The following NMI variants were observed in gnomAD, a reference collection of about 807,000 sequenced individuals.
The protein encoded by NMI is N-myc-interactor.
Under a neutral mutation model 34.3 loss-of-function variants are expected in NMI, and 39 were observed. The ratio of observed to expected loss-of-function variants is 1.14; its 90% CI spans 0.88 to 1.49. The LOEUF (loss-of-function observed/expected upper bound fraction) is 1.49, where lower values mean the gene tolerates loss of function less well. Ranked by LOEUF, NMI falls within the 40% of genes most tolerant of loss-of-function variation. NMI has a pLI of 0.00. For missense variants in NMI, 339 were observed against 358.1 expected, an observed-to-expected ratio of 0.95 and a Z score of 0.43; for synonymous variants, 113 against 120.3, an observed-to-expected ratio of 0.94 and a Z score of 0.40.
At chr2:151,274,321 C>A (rs555741733) in intron 6 of NMI, among the ~76,000 whole-genome samples, 1 of 114,036 alleles carries the variant, frequency 8.8e-6, no homozygotes, top group African/African-American at 3.5e-5. Context: ...CCAGCCCGGG[C>A]GACAGAGCAA....
At chr2:151,286,907 T>A (rs1220901501) in intron 1 of NMI, among the ~76,000 whole-genome samples, 2 of 152,234 alleles carry the variant, frequency 1.3e-5, no homozygotes, top group African/African-American at 4.8e-5. Flanking sequence ...TTTTCCCCTG[T>A]GCACATTAAT....
chr2:151,280,438 T>C (rs1683370328), intron 3 of NMI, among the ~76,000 whole-genome samples: 1 of 152,202 alleles, frequency 6.6e-6, no homozygotes, highest in Non-Finnish European at 1.5e-5. Context: ...CAGTGGAACT[T>C]CTGATTACGG....
At chr2:151,278,295 C>T (rs1197169450) in intron 4 of NMI, 1 of 153,064 alleles carries the variant, frequency 6.5e-6, no homozygotes, top group African/African-American at 2.4e-5. Context: ...CCATGGCAGA[C>T]TTAGCAAACA....
intron 4 of NMI, chr2:151,277,595 T>G (rs1414987495): frequency 1.3e-5 from 2 of 152,224 alleles, no homozygotes; most frequent in Non-Finnish European, 2.9e-5. Context: ...AATCCTCATT[T>G]ATATCTATCT....
intron 3 of NMI, among the ~76,000 whole-genome samples, chr2:151,281,208 T>C (rs1573746122): frequency 1.3e-5 from 2 of 152,142 alleles, no homozygotes; most frequent in East Asian, 3.9e-4. Flanking sequence ...ACAATTAAAA[T>C]ACAGGAAAAT....
chr2:151,270,933 T>G (rs1484698555), intron 7 of NMI, 58 bp from the exon 8 acceptor site: 1 of 1,272,674 alleles, frequency 7.9e-7, no homozygotes, highest in Non-Finnish European at 1.1e-6. Context: ...TTACAAAACT[T>G]TACATTCATA....
In NMI at chr2:151,271,652, T is replaced by G. The variant is rs977967164; in HGVS notation, c.715A>C (p.Thr239Pro). The change falls in exon 7 of 8, where the codon ACA becomes CCA. Residue 239 changes from threonine to proline, a missense_variant. By Grantham distance (38) the Thr-to-Pro change is conservative. Coordinates refer to ENST00000243346, the MANE Select transcript of NMI (RefSeq NM_004688.3). ...TCHRVTVSPY[T>P]EIHLKKYQIF... ...TGATACTTTTTCAAGTGTATTTCTG[T>G]GTATGGAGAAACAGTAACTCTATGG... 1 of 1,559,458 alleles carries G rather than the reference T, an allele frequency of 6.4e-7. No homozygotes were observed. The highest frequency in any genetic ancestry group is 8.8e-7 in the Non-Finnish European group (1 of 1,131,874).
chr2:151,278,450 A>T (rs1683327662), intron 4 of NMI: 1 of 174,068 alleles, frequency 5.7e-6, no homozygotes, highest in African/African-American at 2.4e-5. Context: ...TAACTATCCT[A>T]TCCTCCTATA....
At chr2:151,271,560 C>T (rs1415483122) in intron 7 of NMI, 66 bp downstream of exon 7, 3 of 835,270 alleles carry the variant, frequency 3.6e-6, no homozygotes, top group African/African-American at 3.4e-5. Context: ...CTCACAACAA[C>T]TTTATTTTTT....
chr2:151,278,689 G>A, intron 4 of NMI, 139 bp downstream of exon 4: 2 of 656,634 alleles, frequency 3.0e-6, no homozygotes, highest in Non-Finnish European at 5.1e-6. Context: ...TGTAAAATGG[G>A]AATAATCATA....
chr2:151,282,990 A>G (rs762595919), intron 1 of NMI, 36 bp from the exon 2 acceptor site: 1 of 986,626 alleles, frequency 1.0e-6, no homozygotes, highest in Non-Finnish European at 1.5e-6. Flanking sequence ...TAAGCATAGC[A>G]TATATACACA....
chr2:151,284,046 G>C (rs1683451797), intron 1 of NMI, among the ~76,000 whole-genome samples: 1 of 152,028 alleles, frequency 6.6e-6, no homozygotes, highest in Non-Finnish European at 1.5e-5. Context: ...TAAATATTCT[G>C]ATAACCATAT....
intron 6 of NMI, among the ~76,000 whole-genome samples, chr2:151,275,101 G>C (rs1039587906): frequency 2.6e-5 from 4 of 152,006 alleles, no homozygotes; most frequent in African/African-American, 9.7e-5. Context: ...CCCTGCCTCA[G>C]CCTCCCAAGT....
At chr2:151,274,116 GCGTATCACTTGAAGTCAGGA>G (rs879891804) in intron 6 of NMI, among the ~76,000 whole-genome samples, 51 of 151,852 alleles carry the variant, frequency 3.4e-4, no homozygotes, top group Non-Finnish European at 6.0e-4. Flanking sequence ...GCCAAGGCGG[GCGTATCACTTGAAGTCAGGA>G]GTTCGAGACC....
intron 1 of NMI, among the ~76,000 whole-genome samples, chr2:151,284,722 A>G (rs1171787164): frequency 6.6e-6 from 1 of 152,254 alleles, no homozygotes; most frequent in Non-Finnish European, 1.5e-5. Flanking sequence ...AAAAACTCTC[A>G]GATCAAAAAT....
At position 151,271,736 on chromosome 2, in the gene NMI, A is replaced by G. The variant is rs1481965482; in HGVS notation, c.635-4T>C. ...TTTTTCAAAATCTTGTCAGCCACTA[A>G]AAGCAAAACAAAAACAATACTTGTC... On this transcript the variant is annotated splice_polypyrimidine_tract_variant and splice_region_variant and intron_variant, in intron 6 of 7. Transcript: ENST00000243346. 1 of 1,379,960 alleles carries G rather than the reference A, an allele frequency of 7.2e-7. No homozygotes were observed. The highest frequency in any genetic ancestry group is 1.4e-5 in the African/African-American group (1 of 69,442). 85.5% of individuals were successfully genotyped at this position (1,379,960 alleles called of 1,614,324 possible).
intron 6 of NMI, among the ~76,000 whole-genome samples, chr2:151,272,923 G>A (rs951081482): frequency 6.6e-6 from 1 of 152,112 alleles, no homozygotes; most frequent in Non-Finnish European, 1.5e-5. Flanking sequence ...TGGTTACCAG[G>A]GGCTGGAAGA....
intron 3 of NMI, among the ~76,000 whole-genome samples, chr2:151,280,657 T>C (rs1683381751): frequency 6.6e-6 from 1 of 152,172 alleles, no homozygotes; most frequent in African/African-American, 2.4e-5. Flanking sequence ...GTGGGTCGAC[T>C]AGGGCTGGCC....
chr2:151,279,758 G>T (rs1270977641), intron 3 of NMI, among the ~76,000 whole-genome samples: 4 of 152,030 alleles, frequency 2.6e-5, no homozygotes, highest in African/African-American at 9.7e-5. Context: ...TTACAGGCGT[G>T]AGCCACCACA....
Sources: gnomAD v4.1 joint callset for allele counts (sites outside exome capture counted in the v4.1 genomes callset) on GRCh38, gnomAD v4.1.1 for gene constraint, MANE v1.5 for transcripts, NCBI Gene and HGNC (gene_info 2026-07-23, HGNC 2026-07-21) for gene names.